Variants in IMMP2L observed in about 807,000 individuals in gnomAD.
IMMP2L encodes the protein inner mitochondrial membrane peptidase subunit 2, also known as mitochondrial inner membrane protease subunit 2.
Under a neutral mutation model 19.3 loss-of-function variants are expected in IMMP2L, and 18 were observed. The ratio of observed to expected loss-of-function variants is 0.93; its 90% confidence interval spans 0.64 to 1.38. The LOEUF is 1.38. IMMP2L is among the 40% of genes most tolerant of loss of function. IMMP2L has a pLI of 0.00. For missense variants in IMMP2L, 233 were observed against 218.2 expected (o/e 1.07, Z -0.43); for synonymous variants, 76 against 73.0 (o/e 1.04, Z -0.21).
chr7:111,156,688 C>T (rs542149471), intron 3 of IMMP2L, among the ~76,000 whole-genome samples: 18 of 151,982 alleles, frequency 1.2e-4, no homozygotes, highest in African/African-American at 3.9e-4. Context: ...GACTTTGATG[C>T]TAATATTAAT....
intron 3 of IMMP2L, among the ~76,000 whole-genome samples, chr7:111,356,501 A>G (rs1828713695): frequency 6.6e-6 from 1 of 152,170 alleles, no homozygotes. Flanking sequence ...GGATTCTGGT[A>G]TCAAGGGAGG....
chr7:111,519,337 G>C (rs1021876751), intron 2 of IMMP2L, among the ~76,000 whole-genome samples: 1 of 152,092 alleles, frequency 6.6e-6, no homozygotes, highest in Admixed American at 6.6e-5. Flanking sequence ...TGCCTTCCTT[G>C]TGTGTATATA....
intron 4 of IMMP2L, among the ~76,000 whole-genome samples, chr7:110,929,877 G>C (rs1815277499): frequency 6.6e-6 from 1 of 152,016 alleles, no homozygotes; most frequent in Non-Finnish European, 1.5e-5. Context: ...AAATGATTGA[G>C]TTGTGAATTT....
At chr7:111,358,894 C>A (rs142936390) in intron 3 of IMMP2L, among the ~76,000 whole-genome samples, 1 of 152,158 alleles carries the variant, frequency 6.6e-6, no homozygotes, top group East Asian at 1.9e-4. Context: ...TAATCATTGT[C>A]GACATACTAT....
chr7:111,520,981 T>C (rs1257925843), intron 2 of IMMP2L, among the ~76,000 whole-genome samples: 2 of 152,132 alleles, frequency 1.3e-5, no homozygotes, highest in East Asian at 3.9e-4. Flanking sequence ...ACACTAATAA[T>C]TTGGCATTAA....
intron 5 of IMMP2L, among the ~76,000 whole-genome samples, chr7:110,864,206 AC>A (rs1283989427): frequency 6.6e-6 from 1 of 152,130 alleles, no homozygotes; most frequent in Non-Finnish European, 1.5e-5. Flanking sequence ...TTCAGTGATT[AC>A]TTTTTAAAAC....
At chr7:110,930,234 C>T (rs549483904) in intron 4 of IMMP2L, among the ~76,000 whole-genome samples, 1 of 152,152 alleles carries the variant, frequency 6.6e-6, no homozygotes, top group African/African-American at 2.4e-5. Flanking sequence ...GACAGTGATC[C>T]GCTCCTCCAC....
At chr7:111,050,506 T>G (rs1792901388) in intron 3 of IMMP2L, among the ~76,000 whole-genome samples, 1 of 152,244 alleles carries the variant, frequency 6.6e-6, no homozygotes, top group Admixed American at 6.5e-5. Flanking sequence ...TGACGCGTTC[T>G]TTCTTTAGGT....
chr7:111,482,991 T>C (rs1430949506), intron 3 of IMMP2L, among the ~76,000 whole-genome samples: 1 of 152,064 alleles, frequency 6.6e-6, no homozygotes, highest in African/African-American at 2.4e-5. Flanking sequence ...GGATCTTGAG[T>C]AGGATCTTGG....
At position 111,177,594 on chromosome 7, in the gene IMMP2L, A is replaced by G. The variant is rs1414889801; in HGVS notation, c.240-214029T>C. Reference sequence around the variant, plus strand: ...AAAACTGTATCAACTGGAATAATAGAATATAAAATCAAAGAATAGTCAGCT... The same window carrying G: ...AAAACTGTATCAACTGGAATAATAGGATATAAAATCAAAGAATAGTCAGCT... On this transcript the variant is annotated intron_variant, in intron 3 of 5. Transcript: ENST00000405709. Among the ~76,000 whole-genome samples, 7 of 152,212 alleles carry G rather than the reference A, an allele frequency of 4.6e-5. No homozygotes were observed. The East Asian group carries it at 1.4e-3, about 29-fold the overall frequency.
intron 5 of IMMP2L, among the ~76,000 whole-genome samples, chr7:110,795,514 G>A (rs561644888): frequency 6.6e-6 from 1 of 152,202 alleles, no homozygotes; most frequent in Admixed American, 6.6e-5. Flanking sequence ...TGTGCTGACA[G>A]TGCTTTTTAC....
intron 5 of IMMP2L, among the ~76,000 whole-genome samples, chr7:110,842,800 GCAAT>G (rs1353016345): frequency 6.6e-6 from 1 of 152,090 alleles, no homozygotes; most frequent in East Asian, 1.9e-4. Context: ...TGATTGGTTA[GCAAT>G]CTGCCTTATG....
chr7:111,028,610 G>A (rs1187732713), intron 3 of IMMP2L, among the ~76,000 whole-genome samples: 1 of 152,066 alleles, frequency 6.6e-6, no homozygotes, highest in Non-Finnish European at 1.5e-5. Context: ...ATCAAAAGGA[G>A]ATTCTCTAAA....
intron 3 of IMMP2L, among the ~76,000 whole-genome samples, chr7:111,024,524 G>C (rs2129567539): frequency 6.6e-6 from 1 of 152,294 alleles, no homozygotes; most frequent in Admixed American, 6.5e-5. Flanking sequence ...TTGAAAGTAA[G>C]CTGGGACAAT....
Position 110,961,462 on chromosome 7 carries a change from T to C in IMMP2L, c.305+2038A>G, listed in dbSNP as rs10232650. 9.9e-3 allele frequency among the ~76,000 whole-genome samples: 1,487 copies of C among 150,272 alleles called. 21 individuals are homozygous for C. Among genetic ancestry groups the C allele is most frequent in the African/African-American group, 0.033 (1,374 of 41,034 alleles). ...TTTTTTTTTTCAGTACAGACACAACTATCATTTGTTTTCTCTCTCTCTGAA... is the reference window on the plus strand; with the variant it reads ...TTTTTTTTTTCAGTACAGACACAACCATCATTTGTTTTCTCTCTCTCTGAA... On this transcript the variant is annotated intron_variant, in intron 4 of 5. Transcript: ENST00000405709.
intron 3 of IMMP2L, among the ~76,000 whole-genome samples, chr7:111,036,555 G>A (rs1055795315): frequency 6.6e-6 from 1 of 152,024 alleles, no homozygotes; most frequent in Non-Finnish European, 1.5e-5. Context: ...ATCCTCTAGG[G>A]CAGGATCTTT....
At chr7:111,508,506 T>C (rs1003533025) in intron 2 of IMMP2L, among the ~76,000 whole-genome samples, 7 of 151,998 alleles carry the variant, frequency 4.6e-5, no homozygotes, top group African/African-American at 1.4e-4. Flanking sequence ...GTCAGTAAAG[T>C]AGAATTTAAC....
intron 2 of IMMP2L, among the ~76,000 whole-genome samples, chr7:111,490,358 ATCC>A (rs1247485530): frequency 2.0e-5 from 3 of 149,914 alleles, no homozygotes; most frequent in African/African-American, 7.4e-5. Flanking sequence ...ACCTCAAGCA[ATCC>A]TCCTGCCTTA....
At chr7:111,117,718 T>C (rs960912540) in intron 3 of IMMP2L, among the ~76,000 whole-genome samples, 1 of 152,078 alleles carries the variant, frequency 6.6e-6, no homozygotes, top group Admixed American at 6.5e-5. Flanking sequence ...TGAAGTTAGA[T>C]AGTGGGAGAA....
Sources: allele counts gnomAD v4.1 joint callset (sites outside exome capture counted in the v4.1 genomes callset), GRCh38; gene constraint gnomAD v4.1.1; transcripts MANE v1.5; gene names NCBI Gene and HGNC (gene_info 2026-07-23, HGNC 2026-07-21).